The following CASKIN2 variants were observed in gnomAD, a reference collection of about 807,000 sequenced individuals.
CASKIN2 encodes the protein CASK interacting protein 2.
CASKIN2 carries 41 observed loss-of-function variants against 107.1 expected under a neutral mutation model. That is an observed-to-expected ratio of 0.38 (90% confidence interval 0.30 to 0.50). The LOEUF (loss-of-function observed/expected upper bound fraction) is 0.50. Ranked by LOEUF, CASKIN2 falls within the 20% of genes least tolerant of loss-of-function variation. CASKIN2 has a pLI of 0.92. For synonymous variants in CASKIN2, 724 were observed against 705.6 expected (o/e 1.03, Z -0.41); for missense variants, 1,546 against 1,657.4 (o/e 0.93, Z 1.17).
Position 75,505,667 on chromosome 17 carries a change from G to T in CASKIN2, c.836-16C>A. 23 of 1,609,436 alleles carry T rather than the reference G, an allele frequency of 1.4e-5. No homozygotes were observed. Among genetic ancestry groups the T allele is most frequent in the Non-Finnish European group, 1.8e-5 (21 of 1,177,286 alleles). On this transcript the variant is annotated splice_polypyrimidine_tract_variant and intron_variant, in intron 9 of 19. Coordinates refer to ENST00000321617, the MANE Select transcript of CASKIN2 (RefSeq NM_020753.5). The surrounding 1 kb of genome is among the most constrained non-coding windows in gnomAD (Gnocchi z 5.1). ...CCTGAGGCCTCTAAGAAAACGGGGT[G>T]GGGGACAGGTGTCATCTAAGGGTCC...
rs2053251898 is a variant in CASKIN2 at position 75,505,151 on chromosome 17, G to A, written c.931-78C>T. 2.0e-6 allele frequency: 3 copies of A among 1,492,658 alleles called. No homozygotes were observed. The highest frequency in any genetic ancestry group is 1.8e-6 in the Non-Finnish European group (2 of 1,088,462). 92.5% of individuals were successfully genotyped at this position (1,492,658 alleles called of 1,614,324 possible). A position where few individuals can be genotyped will look rare whatever the true frequency, so the allele number is the denominator to read the frequency against. ...GCAAACGGTTGTCCCTGCAGCTGCG[G>A]TCCGGCAACCCTGGTCCAGCTCTTT... On this transcript the variant is annotated intron_variant, in intron 10 of 19. Coordinates refer to ENST00000321617, the MANE Select transcript of CASKIN2 (RefSeq NM_020753.5). This position sits in a 1 kb window ranked among gnomAD's most constrained non-coding sequence, Gnocchi z 5.1.
At position 75,501,114 on chromosome 17, in the gene CASKIN2, G is replaced by A; in HGVS notation, c.3575C>T (p.Ala1192Val). Residue 1192 changes from alanine to valine, a missense_variant, in exon 20 of 20, where the codon GCC becomes GTC. Transcript: ENST00000321617. ...ILDDISTMFD[A>V]LADQLDAMLD ...CATGGCGTCCAGCTGGTCAGCCAGG[G>A]CGTCGAACATGGTGCTGATGTCATC... 1.3e-6 allele frequency: 2 copies of A among 1,589,314 alleles called. No individual in the cohort carries two copies. Among genetic ancestry groups the A allele is most frequent in the South Asian group, 1.1e-5 (1 of 87,318 alleles).
chr17:75,502,652 C>G lies in CASKIN2; in HGVS notation c.2422G>C (p.Glu808Gln), dbSNP rs768774271. The G allele has an allele frequency of 1.2e-6, 2 of 1,604,656 alleles. No homozygotes were observed. The highest frequency in any genetic ancestry group is 1.7e-6 in the Non-Finnish European group (2 of 1,175,818). ...TCGGCCTCCCCCTCAGCATCCCCCT[C>G]TGTGGGGCCAGGGCGGCTTAGGCTG... Reference protein sequence around the residue: ...SHSLSRPGPTEGDAEGEAEGP... With the variant: ...SHSLSRPGPTQGDAEGEAEGP... Residue 808 changes from glutamate (E) to glutamine (Q), a missense_variant, in exon 18 of 20, where the codon GAG becomes CAG. Glu to Gln is a conservative substitution (Grantham distance 29). Coordinates refer to ENST00000321617, the MANE Select transcript of CASKIN2 (RefSeq NM_020753.5). This position sits in a 1 kb window ranked among gnomAD's most constrained non-coding sequence, Gnocchi z 4.3.
chr17:75,504,009 G>A lies in CASKIN2; in HGVS notation c.1468-47C>T, dbSNP rs201758547. On this transcript the variant is annotated intron_variant, in intron 14 of 19. Transcript: ENST00000321617. ...CAGAATTAGCAGGAGCTGGACCAAG[G>A]CCCTAGCCCCCACCAGGGGCTCAGG... is the stretch of plus-strand genomic sequence containing the variant. 7.4e-4 allele frequency: 1,145 copies of A among 1,537,482 alleles called. 8 individuals carry two copies. In the African/African-American group the frequency reaches 0.013, roughly 17 times the overall value.
intron 2 of CASKIN2, 82 bp from the exon 3 acceptor site, chr17:75,508,367 G>C: frequency 2.0e-6 from 3 of 1,484,088 alleles, no homozygotes. Context: ...TCACAGCCCG[G>C]CTGACCTCTT....
At chr17:75,508,648 C>T (rs979395636) in intron 2 of CASKIN2, among the ~76,000 whole-genome samples, 2 of 152,176 alleles carry the variant, frequency 1.3e-5, no homozygotes, top group Non-Finnish European at 2.9e-5. Flanking sequence ...TCATGTTGTC[C>T]TACTGGGCCG....
At position 75,504,576 on chromosome 17, in the gene CASKIN2, G is replaced by A. The variant is rs375447605; in HGVS notation, c.1310C>T (p.Ala437Val). Residue 437 changes from alanine (A) to valine (V), a missense_variant, in exon 12 of 20, where the codon GCC (alanine) becomes GTC (valine). Ala to Val is a moderately conservative substitution (Grantham distance 64). This residue lies in a region of CASKIN2 where 1,311 missense variants were observed against 1,311.0 expected (regional missense o/e 1.00). Coordinates refer to ENST00000321617, the MANE Select transcript of CASKIN2 (RefSeq NM_020753.5). The part of the protein sequence containing the change: ...GHGPGLLIEN[A>V]QPLPSAGEDQ... ...TCCGTGACCCCATCATCCTACCTGG[G>A]CGTTCTCAATCAGGAGGCCAGGGCC... 6.3e-5 allele frequency: 101 copies of A among 1,598,126 alleles called. No homozygotes were observed. The highest frequency in any genetic ancestry group is 8.0e-5 in the Non-Finnish European group (94 of 1,168,814).
At position 75,508,096 on chromosome 17, in the gene CASKIN2, C is replaced by T. The variant is rs2053284745; in HGVS notation, c.146+138G>A. The T allele has an allele frequency of 9.4e-6, 9 of 960,404 alleles. No individual in the cohort carries two copies. In the South Asian group the frequency reaches 1.1e-4, roughly 12 times the overall value. 59.5% of individuals were successfully genotyped at this position (960,404 alleles called of 1,614,324 possible). A position where few individuals can be genotyped will look rare whatever the true frequency, so the allele number is the denominator to read the frequency against. Reference sequence around the variant, plus strand: ...CAGCCCAGGGACAGGGCCCACAGCTCGCAGCAAATACACTTCCAGGGCCAA... The same window carrying T: ...CAGCCCAGGGACAGGGCCCACAGCTTGCAGCAAATACACTTCCAGGGCCAA... On this transcript the variant is annotated intron_variant, in intron 3 of 19. Transcript: ENST00000321617.
intron 2 of CASKIN2, among the ~76,000 whole-genome samples, chr17:75,510,215 G>A (rs71382167): frequency 2.9e-4 from 44 of 152,308 alleles, no homozygotes; most frequent in African/African-American, 8.9e-4. Context: ...GTGGTGCGGC[G>A]AGGGGCGGGG....
Position 75,503,837 on chromosome 17 carries a change from G to A in CASKIN2, c.1578+15C>T, listed in dbSNP as rs369062202. On this transcript the variant is annotated intron_variant, in intron 15 of 19. Transcript: ENST00000321617. ...CCCCGCCCGCTGGGTGCTGCTTCCCGGCTGCAGCACCCACCTCAGGTGTCA... is the reference window on the plus strand; with the variant it reads ...CCCCGCCCGCTGGGTGCTGCTTCCCAGCTGCAGCACCCACCTCAGGTGTCA... 6.8e-5 allele frequency: 109 copies of A among 1,610,248 alleles called. No homozygotes were observed. Among genetic ancestry groups the A allele is most frequent in the South Asian group, 6.2e-4 (56 of 90,936 alleles).
Position 75,500,756 on chromosome 17 carries a change from AG to A in CASKIN2, c.*323del, listed in dbSNP as rs141006627. The A allele has an allele frequency of 1.6e-4, 53 of 322,750 alleles. 1 individual carries two copies. In the East Asian group the frequency reaches 3.0e-3, roughly 18 times the overall value. The allele number at this position is 322,750 out of a possible 1,614,324, so 20.0% of individuals were successfully genotyped here. A position where few individuals can be genotyped will look rare whatever the true frequency, so the allele number is the denominator to read the frequency against. On this transcript the variant is annotated 3_prime_UTR_variant, in exon 20 of 20. Coordinates refer to ENST00000321617, the MANE Select transcript of CASKIN2 (RefSeq NM_020753.5). The stretch of plus-strand genomic sequence containing the variant: ...GGGGGTACAGAGAAAGCACCCCCAA[AG>A]CCCCACCCCTACTTCCTCCCTGAGG...
At position 75,502,893 on chromosome 17, in the gene CASKIN2, G is replaced by T. The variant is rs376757873; in HGVS notation, c.2181C>A (p.Pro727=). Residue 727 remains proline (P), a synonymous_variant, in exon 18 of 20, where the codon CCC becomes CCA. Transcript: ENST00000321617. This position sits in a 1 kb window ranked among gnomAD's most constrained non-coding sequence, Gnocchi z 4.3. ...TGCCCTCTGGGAGGTTCCTCTCCTGGGGGGGGCTGGGATCTCCACCGCTGG... is the reference window on the plus strand; with the variant it reads ...TGCCCTCTGGGAGGTTCCTCTCCTGTGGGGGGCTGGGATCTCCACCGCTGG... The part of the protein sequence containing the change: ...PQPSGGDPSP[P]QERNLPEGTE... 2 of 1,544,642 alleles carry T rather than the reference G, an allele frequency of 1.3e-6. No individual in the cohort carries two copies. The highest frequency in any genetic ancestry group is 1.3e-5 in the South Asian group (1 of 79,968).
chr17:75,501,760 C>T lies in CASKIN2; in HGVS notation c.3295+19G>A, dbSNP rs370742979. ...ACAACCCTGCCAGCAGTGACTCTCCCACAGGCCTCCCCTCTTACCTGCTCC... is the reference window on the plus strand; with the variant it reads ...ACAACCCTGCCAGCAGTGACTCTCCTACAGGCCTCCCCTCTTACCTGCTCC... On this transcript the variant is annotated intron_variant, in intron 18 of 19. Coordinates refer to ENST00000321617, the MANE Select transcript of CASKIN2 (RefSeq NM_020753.5). The T allele has an allele frequency of 4.6e-6, 7 of 1,528,640 alleles. No individual in the cohort carries two copies. The African/African-American group carries it at 9.7e-5, about 21-fold the overall frequency. 94.7% of individuals were successfully genotyped at this position (1,528,640 alleles called of 1,614,324 possible).
rs764537515 is a variant in CASKIN2 at position 75,506,696 on chromosome 17, C to T, written c.504G>A (p.Leu168=). The change falls in exon 7 of 20, where the codon CTG becomes CTA. Residue 168 remains leucine (L), a synonymous_variant. Transcript: ENST00000321617. This position sits in a 1 kb window ranked among gnomAD's most constrained non-coding sequence, Gnocchi z 4.8. ...FGRLKVAQLL[L]NSHLCVALLE... The stretch of plus-strand genomic sequence containing the variant: ...GCAGTGCCACACATAAGTGGCTGTT[C>T]AGAAGCAGCTGGGCCACCTGCAGCA... 8.7e-6 allele frequency: 14 copies of T among 1,613,368 alleles called. No homozygotes were observed. The African/African-American group carries it at 1.7e-4, about 20-fold the overall frequency.
chr17:75,503,888 G>A lies in CASKIN2; in HGVS notation c.1542C>T (p.Gly514=), dbSNP rs1327486960. ...EGYTAHFLQA[G]YDVPTISRMT... ...TGCGGCTGATGGTAGGCACATCATAGCCGGCCTGCAGAAAGTGGGCAGTGT... is the reference window on the plus strand; with the variant it reads ...TGCGGCTGATGGTAGGCACATCATAACCGGCCTGCAGAAAGTGGGCAGTGT... The change falls in exon 15 of 20, where the codon GGC becomes GGT. Residue 514 remains glycine, a synonymous_variant. Coordinates refer to ENST00000321617, the MANE Select transcript of CASKIN2 (RefSeq NM_020753.5). 1 of 1,612,826 alleles carries A rather than the reference G, an allele frequency of 6.2e-7. No individual in the cohort carries two copies. Among genetic ancestry groups the A allele is most frequent in the Non-Finnish European group, 8.5e-7 (1 of 1,179,924 alleles).
chr17:75,503,024 C>T lies in CASKIN2; in HGVS notation c.2050G>A (p.Gly684Ser). The T allele has an allele frequency of 6.2e-7, 1 of 1,605,224 alleles. No individual in the cohort carries two copies. The part of the protein sequence containing the change: ...PELQAAMAGG[G>S]PEPLPLPPAR... ...GGTGGGAGGGGGAGTGGTTCAGGGC[C>T]ACCCCCTGCCATGGCCGCCTGTAGC... Residue 684 changes from glycine to serine, a missense_variant, in exon 18 of 20, where the codon GGC becomes AGC. Transcript: ENST00000321617.
intron 2 of CASKIN2, among the ~76,000 whole-genome samples, chr17:75,511,707 C>G (rs1404208303): frequency 6.6e-6 from 1 of 152,200 alleles, no homozygotes; most frequent in African/African-American, 2.4e-5. Flanking sequence ...CTACAGCCTG[C>G]GCAGGGTGAA....
Position 75,501,856 on chromosome 17 carries a change from C to T in CASKIN2, c.3218G>A (p.Ser1073Asn), listed in dbSNP as rs1384711733. The T allele has an allele frequency of 3.8e-6, 6 of 1,558,538 alleles. No homozygotes were observed. The highest frequency in any genetic ancestry group is 5.2e-6 in the Non-Finnish European group (6 of 1,154,564). Residue 1073 changes from serine (S) to asparagine (N), a missense_variant, in exon 18 of 20, where the codon AGC (serine) becomes AAC (asparagine). By Grantham distance (46) the Ser-to-Asn change is conservative (BLOSUM62 1). Coordinates refer to ENST00000321617, the MANE Select transcript of CASKIN2 (RefSeq NM_020753.5). ...CCCATTCCACCGACTAGCTGCTGAGCTTTCCAGACCTGGCCCTGGGCAGGG... is the reference window on the plus strand; with the variant it reads ...CCCATTCCACCGACTAGCTGCTGAGTTTTCCAGACCTGGCCCTGGGCAGGG... ...VPPCPGPGLE[S>N]SAASRWNGET...
chr17:75,501,459 C>T lies in CASKIN2; in HGVS notation c.3518+9G>A. 2 of 1,601,238 alleles carry T rather than the reference C, an allele frequency of 1.2e-6. No homozygotes were observed. Among genetic ancestry groups the T allele is most frequent in the Non-Finnish European group, 8.5e-7 (1 of 1,170,636 alleles). On this transcript the variant is annotated intron_variant, in intron 19 of 19. Coordinates refer to ENST00000321617, the MANE Select transcript of CASKIN2 (RefSeq NM_020753.5). ...AGCCTTCTCTCCCTCCCCATCCGGC[C>T]CCCCTCACCCCTCTTGCTCCTTGGT... is the stretch of plus-strand genomic sequence containing the variant.
Sources: allele counts gnomAD v4.1 joint callset (sites outside exome capture counted in the v4.1 genomes callset), GRCh38; gene constraint gnomAD v4.1.1; regional missense constraint gnomAD v4.1.1; non-coding constraint Gnocchi (gnomAD v3.1); transcripts MANE v1.5; gene names NCBI Gene and HGNC (gene_info 2026-07-23, HGNC 2026-07-21).